TNXB: variants seen among roughly 807,000 people sequenced by gnomAD.
TNXB encodes the protein tenascin XB, also known as tenascin-X.
Under a neutral mutation model 340.5 loss-of-function variants are expected in TNXB, and 183 were observed. The ratio of observed to expected loss-of-function variants is 0.54; its 90% CI spans 0.48 to 0.61. The LOEUF (loss-of-function observed/expected upper bound fraction) is 0.61, where lower values mean the gene tolerates loss of function less well. TNXB is among the 20% of genes least tolerant of loss of function. The pLI, the probability that TNXB is intolerant of heterozygous loss-of-function variation, is 0.00. For missense variants in TNXB, 4,613 were observed against 5,446.4 expected (o/e 0.85, Z 4.82); for synonymous variants, 2,121 against 2,314.5 (o/e 0.92, Z 2.40).
rs2151891802 is a variant in TNXB at position 32,049,084 on chromosome 6, T to G, written c.9757+186A>C. On this transcript the variant is annotated intron_variant, in intron 28 of 43. Transcript: ENST00000644971. The surrounding 1 kb of genome is among the most constrained non-coding windows in gnomAD (Gnocchi z 4.5). Reference sequence around the variant, plus strand: ...GAAGGAAGCTACAACAAACAGGGCATGGACTACCTGCCCATCTGACTCCAC... The same window carrying G: ...GAAGGAAGCTACAACAAACAGGGCAGGGACTACCTGCCCATCTGACTCCAC... Among the ~76,000 whole-genome samples the G allele has an allele frequency of 6.6e-6, 1 of 152,292 alleles. No homozygotes were observed.
Position 32,080,650 on chromosome 6 carries a change from T to G in TNXB, c.4042+718A>C, listed in dbSNP as rs1779377699. Among the ~76,000 whole-genome samples the G allele has an allele frequency of 6.6e-6, 1 of 152,234 alleles. No individual in the cohort carries two copies. The highest frequency in any genetic ancestry group is 1.5e-5 in the Non-Finnish European group (1 of 68,050). ...TGCACAAGGTCCTACAGGAAGTAAGTTGCAAGGCTGGTAGTGAGACTCGGG... is the reference window on the plus strand; with the variant it reads ...TGCACAAGGTCCTACAGGAAGTAAGGTGCAAGGCTGGTAGTGAGACTCGGG... On this transcript the variant is annotated intron_variant, in intron 10 of 43. Transcript: ENST00000644971. This position sits in a 1 kb window ranked among gnomAD's most constrained non-coding sequence, Gnocchi z 4.3.
Position 32,089,851 on chromosome 6 carries a change from T to TG in TNXB, c.2359-473dup, listed in dbSNP as rs1779999684. Among the ~76,000 whole-genome samples the TG allele has an allele frequency of 6.6e-6, 1 of 152,216 alleles. No individual in the cohort carries two copies. The highest frequency in any genetic ancestry group is 2.1e-4 in the South Asian group (1 of 4,838). ...CAGGACTCTCCCTCCAGCTTTGCCC[T>TG]GGCAACTCTGACTACCTGGGCATGA... On this transcript the variant is annotated intron_variant, in intron 4 of 43. Transcript: ENST00000644971. This position sits in a 1 kb window ranked among gnomAD's most constrained non-coding sequence, Gnocchi z 6.2.
In TNXB at chr6:32,061,993, C is replaced by T. The variant is rs1778046913; in HGVS notation, c.7168+164G>A. 6.6e-6 allele frequency among the ~76,000 whole-genome samples: 1 copy of T among 152,158 alleles called. No individual in the cohort carries two copies. Among genetic ancestry groups the T allele is most frequent in the Admixed American group, 6.5e-5 (1 of 15,284 alleles). ...ATGGCCCCTCCCTGCTCAGGGGGAG[C>T]CAGGGGTCAACCACACAAAAAGGTA... On this transcript the variant is annotated intron_variant, in intron 20 of 43. Transcript: ENST00000644971. The surrounding 1 kb of genome is among the most constrained non-coding windows in gnomAD (Gnocchi z 4.4).
At position 32,067,743 on chromosome 6, in the gene TNXB, C is replaced by T. The variant is rs759520851; in HGVS notation, c.6462G>A (p.Glu2154=). The change falls in exon 18 of 44, where the codon GAG becomes GAA. Residue 2154 remains glutamate (E), a synonymous_variant. Transcript: ENST00000644971. This position sits in a 1 kb window ranked among gnomAD's most constrained non-coding sequence, Gnocchi z 4.2. The part of the protein sequence containing the change: ...EESEVTVGGL[E]PGRKYKMHLY... The stretch of plus-strand genomic sequence containing the variant: ...GGTGCATCTTGTACTTGCGCCCAGG[C>T]TCCAGGCCCCCCACGGTGACTTCAC... 1 of 1,613,846 alleles carries T rather than the reference C, an allele frequency of 6.2e-7. No individual in the cohort carries two copies. Among genetic ancestry groups the T allele is most frequent in the Non-Finnish European group, 8.5e-7 (1 of 1,179,892 alleles).
chr6:32,099,061 C>G (rs556848051), intron 1 of TNXB, among the ~76,000 whole-genome samples: 134 of 152,306 alleles, frequency 8.8e-4, no homozygotes, highest in Middle Eastern at 3.4e-3. Context: ...AGGACCTCAT[C>G]TATCCCAGGA....
chr6:32,076,086 T>C (rs1244611036), intron 11 of TNXB, among the ~76,000 whole-genome samples: 1 of 152,196 alleles, frequency 6.6e-6, no homozygotes, highest in Non-Finnish European at 1.5e-5. Flanking sequence ...CTGGGCATTT[T>C]CTCTCATTTC....
chr6:32,062,593 C>T lies in TNXB; in HGVS notation c.6842-110G>A. 9.4e-7 allele frequency: 1 copy of T among 1,060,366 alleles called. No individual in the cohort carries two copies. The allele number at this position is 1,060,366 out of a possible 1,614,324, so 65.7% of individuals were successfully genotyped here. A position where few individuals can be genotyped will look rare whatever the true frequency, so the allele number is the denominator to read the frequency against. On this transcript the variant is annotated intron_variant, in intron 19 of 43. Coordinates refer to ENST00000644971, the MANE Select transcript of TNXB (RefSeq NM_001365276.2). This position sits in a 1 kb window ranked among gnomAD's most constrained non-coding sequence, Gnocchi z 4.3. Reference sequence around the variant, plus strand: ...GGGCCCACAGTCTGGATGCTGGTGCCCCAAGCTTAGAATATCATTTTTCTG... The same window carrying T: ...GGGCCCACAGTCTGGATGCTGGTGCTCCAAGCTTAGAATATCATTTTTCTG...
Position 32,081,519 on chromosome 6 carries a change from A to G in TNXB, c.3891T>C (p.Asp1297=). The G allele has an allele frequency of 6.2e-7, 1 of 1,607,526 alleles. No individual in the cohort carries two copies. Among genetic ancestry groups the G allele is most frequent in the Non-Finnish European group, 8.5e-7 (1 of 1,177,128 alleles). The change falls in exon 10 of 44, where the codon GAT becomes GAC. Residue 1297 remains aspartate (D), a synonymous_variant. Transcript: ENST00000644971. The surrounding 1 kb of genome is among the most constrained non-coding windows in gnomAD (Gnocchi z 5.1). ...PFDSFMVQYK[D]AQGQPQAVPV... ...GCACTGCCTGGGGCTGCCCCTGTGC[A>G]TCCTTGTACTGGACCATGAATGAGT...
Position 32,075,521 on chromosome 6 carries a change from C to T in TNXB, c.4376-1569G>A, listed in dbSNP as rs1779034779. 6.6e-6 allele frequency among the ~76,000 whole-genome samples: 1 copy of T among 152,222 alleles called. No homozygotes were observed. The highest frequency in any genetic ancestry group is 2.4e-5 in the African/African-American group (1 of 41,428). ...CTTCAGGGCTTTCCTCAGACACTGC[C>T]CTCGCAGTGAGGCCCTTGCTGTCTC... is the stretch of plus-strand genomic sequence containing the variant. On this transcript the variant is annotated intron_variant, in intron 11 of 43. Coordinates refer to ENST00000644971, the MANE Select transcript of TNXB (RefSeq NM_001365276.2). This position sits in a 1 kb window ranked among gnomAD's most constrained non-coding sequence, Gnocchi z 4.6.
At chr6:32,093,154 C>T (rs545708164) in intron 4 of TNXB, 36 of 475,512 alleles carry the variant, frequency 7.6e-5, no homozygotes, top group Admixed American at 1.8e-4. Context: ...ACTTCCTTTT[C>T]GAAGTCCCAC....
chr6:32,106,133 G>C (rs1277680627), intron 1 of TNXB, among the ~76,000 whole-genome samples: 1 of 148,858 alleles, frequency 6.7e-6, no homozygotes, highest in Non-Finnish European at 1.5e-5. Context: ...TAGGGGCATG[G>C]GGGGGGGGGC....
chr6:32,057,259 A>T (rs188642841), intron 22 of TNXB, among the ~76,000 whole-genome samples: 8 of 152,120 alleles, frequency 5.3e-5, no homozygotes, highest in Admixed American at 2.0e-4. Context: ...TTTGCTCCGC[A>T]ACAAGCTCAG....
chr6:32,082,397 G>A lies in TNXB; in HGVS notation c.3446-71C>T. On this transcript the variant is annotated intron_variant, in intron 8 of 43. Coordinates refer to ENST00000644971, the MANE Select transcript of TNXB (RefSeq NM_001365276.2). This position sits in a 1 kb window ranked among gnomAD's most constrained non-coding sequence, Gnocchi z 5.0. ...GAATGGGGAAGCCAAATCCCACATA[G>A]GAATGCTGTGTGAGGCTGTGCAGGT... 6.9e-7 allele frequency: 1 copy of A among 1,447,142 alleles called. No homozygotes were observed. Among genetic ancestry groups the A allele is most frequent in the Non-Finnish European group, 9.4e-7 (1 of 1,069,300 alleles). 89.6% of individuals were successfully genotyped at this position (1,447,142 alleles called of 1,614,324 possible).
At chr6:32,086,546 A>G (rs1312613243) in intron 6 of TNXB, among the ~76,000 whole-genome samples, 1 of 152,086 alleles carries the variant, frequency 6.6e-6, no homozygotes, top group Non-Finnish European at 1.5e-5. Context: ...GTGGGAAGAG[A>G]GAGAGGGTGT....
chr6:32,056,328 G>A (rs1365464654), intron 23 of TNXB, among the ~76,000 whole-genome samples, 154 bp from the exon 24 acceptor site: 1 of 152,164 alleles, frequency 6.6e-6, no homozygotes, highest in Non-Finnish European at 1.5e-5. Flanking sequence ...TCAACTGACA[G>A]CTAACACACA....
rs372960074 is a variant in TNXB at position 32,055,977 on chromosome 6, G to C, written c.8341C>G (p.Arg2781Gly). 2 of 1,613,282 alleles carry C rather than the reference G, an allele frequency of 1.2e-6. No homozygotes were observed. The highest frequency in any genetic ancestry group is 1.7e-6 in the Non-Finnish European group (2 of 1,179,872). Residue 2781 changes from arginine to glycine, a missense_variant, in exon 24 of 44, where the codon CGT becomes GGT. Arg to Gly is a moderately radical substitution (Grantham distance 125). Around this residue, in one of 7 missense-constraint regions of TNXB, gnomAD observed 4,327 missense variants for 4,859.4 expected, o/e 0.89. Coordinates refer to ENST00000644971, the MANE Select transcript of TNXB (RefSeq NM_001365276.2). ...ACCTCGCTCTCCTCGCCCCTGACAC[G>C]CATCACCTGGGGCCGCCCGTCCCTG... ...KDRDGRPQVMRVRGEESEVTV... is the reference protein window; with the variant it reads ...KDRDGRPQVMGVRGEESEVTV...
chr6:32,096,943 C>T lies in TNXB; in HGVS notation c.910G>A (p.Glu304Lys), dbSNP rs907925140. 6.9e-6 allele frequency: 11 copies of T among 1,594,072 alleles called. No individual in the cohort carries two copies. Among genetic ancestry groups the T allele is most frequent in the Non-Finnish European group, 8.6e-6 (10 of 1,163,578 alleles). The change falls in exon 3 of 44, where the codon GAG (glutamate) becomes AAG (lysine). Residue 304 changes from glutamate to lysine, a missense_variant. Glu to Lys is a moderately conservative substitution (Grantham distance 56, BLOSUM62 1). Transcript: ENST00000644971. Reference protein sequence around the residue: ...RCVCNPGYTGEDCGVRSCPRG... With the variant: ...RCVCNPGYTGKDCGVRSCPRG... Reference sequence around the variant, plus strand: ...GGGCAGCTCCTCACCCCACAGTCCTCGCCAGTGTAGCCGGGGTTACACACG... The same window carrying T: ...GGGCAGCTCCTCACCCCACAGTCCTTGCCAGTGTAGCCGGGGTTACACACG...
Position 32,084,665 on chromosome 6 carries a change from G to C in TNXB, c.3193C>G (p.Leu1065Val), listed in dbSNP as rs1252356921. Residue 1065 changes from leucine to valine, a missense_variant, in exon 8 of 44, where the codon CTG becomes GTG. This residue lies in a region of TNXB where 4,327 missense variants were observed against 4,859.4 expected (regional missense o/e 0.89). Transcript: ENST00000644971. The surrounding 1 kb of genome is among the most constrained non-coding windows in gnomAD (Gnocchi z 5.5). ...KPGKSSGPPR[L>V]GELTVTDRTS... Reference sequence around the variant, plus strand: ...CTGTCTGTCACCGTCAGCTCACCCAGGCGTGGTGGGCCTGAGGACTTCCCA... The same window carrying C: ...CTGTCTGTCACCGTCAGCTCACCCACGCGTGGTGGGCCTGAGGACTTCCCA... 5 of 1,593,466 alleles carry C rather than the reference G, an allele frequency of 3.1e-6. No individual in the cohort carries two copies. The East Asian group carries it at 1.1e-4, about 36-fold the overall frequency.
chr6:32,073,944 G>C lies in TNXB; in HGVS notation c.4384C>G (p.Gln1462Glu), dbSNP rs1033940667. The C allele has an allele frequency of 8.1e-6, 13 of 1,595,162 alleles. No homozygotes were observed. The highest frequency in any genetic ancestry group is 1.1e-5 in the South Asian group (1 of 89,106). The change falls in exon 12 of 44, where the codon CAA becomes GAA. Residue 1462 changes from glutamine (Q) to glutamate (E), a missense_variant. By Grantham distance (29) the Gln-to-Glu change is conservative (BLOSUM62 2). Around this residue, in one of 7 missense-constraint regions of TNXB, gnomAD observed 4,327 missense variants for 4,859.4 expected, o/e 0.89. Transcript: ENST00000644971. This position sits in a 1 kb window ranked among gnomAD's most constrained non-coding sequence, Gnocchi z 4.6. ...VSAVGVTAPQ[Q>E]EETPPATESP... ...TCAGTGGCTGGAGGGGTCTCTTCTT[G>C]TTGTGGGGCTGGGACAGAGATGGTA...
Sources: allele counts gnomAD v4.1 joint callset (sites outside exome capture counted in the v4.1 genomes callset), GRCh38; gene constraint gnomAD v4.1.1; regional missense constraint gnomAD v4.1.1; non-coding constraint Gnocchi (gnomAD v3.1); transcripts MANE v1.5; gene names NCBI Gene and HGNC (gene_info 2026-07-23, HGNC 2026-07-21).